The following ANKS1B variants were observed in gnomAD, a reference collection of about 807,000 sequenced individuals.
ANKS1B encodes ankyrin repeat and sterile alpha motif domain-containing protein 1B.
In ANKS1B, 36 loss-of-function variants were observed where a neutral mutation model predicts 148.3. The ratio of observed to expected loss-of-function variants is 0.24; its 90% CI spans 0.19 to 0.32. ANKS1B has a LOEUF of 0.32. Ranked by LOEUF, ANKS1B falls within the 10% of genes least tolerant of loss-of-function variation. The pLI, the probability that ANKS1B is intolerant of heterozygous loss-of-function variation, is 1.00. For synonymous variants in ANKS1B, 542 were observed against 560.8 expected (o/e 0.97, Z 0.47); for missense variants, 1,157 against 1,542.6 (o/e 0.75, Z 4.19).
chr12:99,716,050 C>T (rs905365908), intron 8 of ANKS1B, among the ~76,000 whole-genome samples: 2 of 152,100 alleles, frequency 1.3e-5, no homozygotes, highest in African/African-American at 4.8e-5. Context: ...CCCTTAGCAG[C>T]AAGTCCCGCT....
At chr12:99,339,430 G>A (rs2089528108) in intron 12 of ANKS1B, among the ~76,000 whole-genome samples, 1 of 152,148 alleles carries the variant, frequency 6.6e-6, no homozygotes, top group South Asian at 2.1e-4. Context: ...GCAATTCACA[G>A]CTGTCTTTCC....
At chr12:99,425,459 C>T (rs548161072) in intron 11 of ANKS1B, among the ~76,000 whole-genome samples, 19 of 151,848 alleles carry the variant, frequency 1.3e-4, no homozygotes, top group East Asian at 1.9e-4. Flanking sequence ...AAGTACTAGA[C>T]GAAAAGTAGT....
At chr12:99,200,800 GGGCAGAAGT>G (rs1283787529) in intron 14 of ANKS1B, among the ~76,000 whole-genome samples, 1 of 152,162 alleles carries the variant, frequency 6.6e-6, no homozygotes, top group African/African-American at 2.4e-5. Flanking sequence ...AGCTCCACAA[GGGCAGAAGT>G]CTTTGCTCTT....
chr12:99,443,824 A>G lies in ANKS1B; in HGVS notation c.1439-15T>C, dbSNP rs754115623. ...AGAGGCATTATCTGTGAATAAAAAT[A>G]GAACTGCCATGAACCTAATCACTCA... On this transcript the variant is annotated splice_polypyrimidine_tract_variant and intron_variant, in intron 10 of 26. Coordinates refer to ENST00000683438, the MANE Select transcript of ANKS1B (RefSeq NM_001352186.2). The G allele has an allele frequency of 9.3e-6, 15 of 1,607,632 alleles. No individual in the cohort carries two copies. In the East Asian group the frequency reaches 2.9e-4, roughly 31 times the overall value.
chr12:99,896,493 A>G (rs558604478), intron 1 of ANKS1B, among the ~76,000 whole-genome samples: 1 of 151,402 alleles, frequency 6.6e-6, no homozygotes, highest in East Asian at 1.9e-4. Flanking sequence ...TTATCCATTC[A>G]TCTATCAATG....
At chr12:99,617,883 T>C (rs1477063711) in intron 9 of ANKS1B, among the ~76,000 whole-genome samples, 1 of 152,108 alleles carries the variant, frequency 6.6e-6, no homozygotes, top group Non-Finnish European at 1.5e-5. Context: ...GGTAGGCATA[T>C]ACTGAGTGAT....
intron 17 of ANKS1B, among the ~76,000 whole-genome samples, chr12:99,039,829 C>T (rs1306442437): frequency 1.3e-5 from 2 of 152,224 alleles, no homozygotes; most frequent in African/African-American, 2.4e-5. Flanking sequence ...GTTCTAAATC[C>T]TCCTTTTCCC....
chr12:99,158,098 C>T (rs2076268950), intron 14 of ANKS1B, among the ~76,000 whole-genome samples: 1 of 152,044 alleles, frequency 6.6e-6, no homozygotes, highest in African/African-American at 2.4e-5. Context: ...AAAGAAGACC[C>T]TGAGTCATGT....
chr12:99,743,325 C>T (rs1446472654), intron 8 of ANKS1B, among the ~76,000 whole-genome samples: 1 of 152,140 alleles, frequency 6.6e-6, no homozygotes, highest in Non-Finnish European at 1.5e-5. Context: ...TTAATTTTAG[C>T]ATACATGTAA....
chr12:99,063,925 TAG>T (rs1432721675), intron 16 of ANKS1B, among the ~76,000 whole-genome samples: 3 of 152,248 alleles, frequency 2.0e-5, no homozygotes, highest in Admixed American at 2.0e-4. Flanking sequence ...TGTTTACAAT[TAG>T]ACTCTGTTAT....
At chr12:99,123,583 C>A (rs2063512108) in intron 15 of ANKS1B, among the ~76,000 whole-genome samples, 1 of 152,182 alleles carries the variant, frequency 6.6e-6, no homozygotes, top group Non-Finnish European at 1.5e-5. Flanking sequence ...GTCCCCAAAC[C>A]TCAAAAGTAG....
chr12:99,937,029 C>G (rs1256863334), intron 1 of ANKS1B, among the ~76,000 whole-genome samples: 2 of 152,120 alleles, frequency 1.3e-5, no homozygotes, highest in Non-Finnish European at 2.9e-5. Context: ...CAGTATGGGA[C>G]ATCCCTTAAC....
chr12:99,214,909 G>C (rs2083917076), intron 14 of ANKS1B, among the ~76,000 whole-genome samples: 1 of 152,188 alleles, frequency 6.6e-6, no homozygotes. Context: ...GAGCAAAGGT[G>C]AGCCTTGCTA....
Position 99,909,103 on chromosome 12 carries a change from T to C in ANKS1B, c.134+75001A>G, listed in dbSNP as rs1037574123. 4.5e-4 allele frequency among the ~76,000 whole-genome samples: 68 copies of C among 150,034 alleles called. 1 individual carries two copies. The highest frequency in any genetic ancestry group is 4.2e-4 in the Non-Finnish European group (28 of 67,450). ...TAGATTCTGCACATAAGTGAGATCATGCAGTGTTTTTCTTTCTGTGCCTGG... is the reference window on the plus strand; with the variant it reads ...TAGATTCTGCACATAAGTGAGATCACGCAGTGTTTTTCTTTCTGTGCCTGG... On this transcript the variant is annotated intron_variant, in intron 1 of 26. Transcript: ENST00000683438.
At chr12:99,713,073 T>C (rs1429672243) in intron 8 of ANKS1B, among the ~76,000 whole-genome samples, 1 of 152,202 alleles carries the variant, frequency 6.6e-6, no homozygotes, top group East Asian at 1.9e-4. Context: ...AAAAACTTTG[T>C]GGGTCTCCCA....
At chr12:99,323,872 C>A (rs988542467) in intron 12 of ANKS1B, among the ~76,000 whole-genome samples, 1 of 152,116 alleles carries the variant, frequency 6.6e-6, no homozygotes, top group Non-Finnish European at 1.5e-5. Context: ...GATTTAAATT[C>A]TCATCTTGCT....
At chr12:98,743,705 C>CTCT (rs1208437565), downstream of ANKS1B, among the ~76,000 whole-genome samples, 1 of 152,226 alleles carries the variant, frequency 6.6e-6, no homozygotes, top group Non-Finnish European at 1.5e-5. Context: ...GTGGTCCTTT[C>CTCT]TCTTTTAGAG....
At chr12:99,473,329 T>C (rs772338569) in intron 10 of ANKS1B, among the ~76,000 whole-genome samples, 2 of 152,078 alleles carry the variant, frequency 1.3e-5, no homozygotes, top group Non-Finnish European at 2.9e-5. Flanking sequence ...TTCCATTTTA[T>C]TAAAATTTAT....
At chr12:99,571,933 CAAA>C (rs1360971272) in intron 9 of ANKS1B, among the ~76,000 whole-genome samples, 2 of 152,070 alleles carry the variant, frequency 1.3e-5, no homozygotes, top group African/African-American at 2.4e-5. Context: ...AATAAACAAA[CAAA>C]CAAACCAATA....
Sources: allele counts gnomAD v4.1 joint callset (sites outside exome capture counted in the v4.1 genomes callset), GRCh38; gene constraint gnomAD v4.1.1; transcripts MANE v1.5; gene names NCBI Gene and HGNC (gene_info 2026-07-23, HGNC 2026-07-21).